IPO13: variants seen among roughly 807,000 people sequenced by gnomAD.
The protein encoded by IPO13 is importin 13.
A neutral mutation model predicts 115.5 loss-of-function variants in IPO13; 28 were observed. That is an observed-to-expected ratio of 0.24 (90% CI 0.18 to 0.33). The LOEUF is 0.33. Among genes scored for constraint, IPO13 ranks in the 10% least tolerant of loss-of-function variants. IPO13 has a pLI of 1.00. For synonymous variants in IPO13, 414 were observed against 478.9 expected (o/e 0.86, Z 1.77); for missense variants, 785 against 1,204.6 (o/e 0.65, Z 5.16).
chr1:43,962,426 T>C (rs2085296444), intron 14 of IPO13, among the ~76,000 whole-genome samples: 1 of 152,208 alleles, frequency 6.6e-6, no homozygotes, highest in Admixed American at 6.5e-5. Context: ...ATAATCTTCA[T>C]AAAAACACAA....
chr1:43,960,375 G>A (rs1380496726), intron 12 of IPO13, 46 bp downstream of exon 12: 13 of 1,526,262 alleles, frequency 8.5e-6, no homozygotes, highest in Non-Finnish European at 1.2e-5. Flanking sequence ...ACTGCTCAGA[G>A]GTGTAGCAGG....
intron 15 of IPO13, among the ~76,000 whole-genome samples, chr1:43,965,481 A>G (rs1291234776): frequency 6.6e-6 from 1 of 151,720 alleles, no homozygotes; most frequent in African/African-American, 2.4e-5. Flanking sequence ...CTGGATGGAT[A>G]TGTGTGTGGG....
rs2085329795 is a variant in IPO13, at chr1:43,966,927, C to G, written c.2524-3C>G. ...GGCTGATGGGCCTCTCCATCCTCTG[C>G]AGACAGAGCTGCTGCCTCGGTGTGG... is the stretch of plus-strand genomic sequence containing the variant. On this transcript the variant is annotated splice_polypyrimidine_tract_variant and splice_region_variant and intron_variant, in intron 17 of 19. Transcript: ENST00000372343. The surrounding 1 kb of genome is among the most constrained non-coding windows in gnomAD (Gnocchi z 4.1). 1 of 1,613,582 alleles carries G rather than the reference C, an allele frequency of 6.2e-7. No homozygotes were observed. Among genetic ancestry groups the G allele is most frequent in the African/African-American group, 1.3e-5 (1 of 74,898 alleles).
At chr1:43,957,653 C>T in intron 7 of IPO13, 104 bp downstream of exon 7, 3 of 1,370,244 alleles carry the variant, frequency 2.2e-6, no homozygotes, top group Non-Finnish European at 3.1e-6. Context: ...GAGCCACATG[C>T]CTACACACAA....
intron 1 of IPO13, among the ~76,000 whole-genome samples, chr1:43,948,204 C>G (rs182067916): frequency 6.6e-6 from 1 of 152,222 alleles, no homozygotes; most frequent in Non-Finnish European, 1.5e-5. Flanking sequence ...GGGGCTGTCT[C>G]CCTTTGTTTT....
At chr1:43,960,821 G>A (rs1359046770) in intron 12 of IPO13, 55 bp from the exon 13 acceptor site, 24 of 1,605,262 alleles carry the variant, frequency 1.5e-5, no homozygotes, top group East Asian at 1.1e-4. Flanking sequence ...GGGCTTCAGC[G>A]CTGTTCCAGC....
At chr1:43,954,709 A>G (rs975471896) in intron 2 of IPO13, among the ~76,000 whole-genome samples, 2 of 152,054 alleles carry the variant, frequency 1.3e-5, no homozygotes, top group African/African-American at 4.8e-5. Flanking sequence ...TTTAGAGATC[A>G]TTGTGTTTCA....
rs372313976 is a variant in IPO13, at chr1:43,960,739, C to T, written c.2110-137C>T. On this transcript the variant is annotated intron_variant, in intron 12 of 19. Transcript: ENST00000372343. Reference sequence around the variant, plus strand: ...CCTTTCAGGGTGAGGGTCAGACTTGCTTACCTTCCTTGGTTTGCAGGGCCA... The same window carrying T: ...CCTTTCAGGGTGAGGGTCAGACTTGTTTACCTTCCTTGGTTTGCAGGGCCA... 87 of 1,160,780 alleles carry T rather than the reference C, an allele frequency of 7.5e-5. 1 individual carries two copies. In the African/African-American group the frequency reaches 1.0e-3, roughly 13 times the overall value. 71.9% of individuals were successfully genotyped at this position (1,160,780 alleles called of 1,614,324 possible). A position where few individuals can be genotyped will look rare whatever the true frequency, so the allele number is the denominator to read the frequency against.
In IPO13 at chr1:43,956,743, A is replaced by G. The variant is rs761599321; in HGVS notation, c.1104+42A>G. ...TCCAGTAGGACTGGGCTGTGGTGGA[A>G]GAAGGTGGATCATGGGCTTCTATGA... On this transcript the variant is annotated intron_variant, in intron 4 of 19. Coordinates refer to ENST00000372343, the MANE Select transcript of IPO13 (RefSeq NM_014652.4). The surrounding 1 kb of genome is among the most constrained non-coding windows in gnomAD (Gnocchi z 4.7). 1 of 1,613,920 alleles carries G rather than the reference A, an allele frequency of 6.2e-7. No individual in the cohort carries two copies. Among genetic ancestry groups the G allele is most frequent in the Non-Finnish European group, 8.5e-7 (1 of 1,179,804 alleles).
rs550511139 is a variant in IPO13 at position 43,952,907 on chromosome 1, A to G, written c.821+2754A>G. Among the ~76,000 whole-genome samples the G allele has an allele frequency of 2.8e-4, 43 of 152,292 alleles. No homozygotes were observed. The highest frequency in any genetic ancestry group is 1.0e-3 in the African/African-American group (42 of 41,562). ...CCTGGCTTCCCAGGCTTTCCAGCTT[A>G]AGGTGGATACCTAATCCCAGATCTC... is the stretch of plus-strand genomic sequence containing the variant. On this transcript the variant is annotated intron_variant, in intron 2 of 19. Transcript: ENST00000372343. The surrounding 1 kb of genome is among the most constrained non-coding windows in gnomAD (Gnocchi z 4.7).
At position 43,950,216 on chromosome 1, in the gene IPO13, A is replaced by G. The variant is rs1218465062; in HGVS notation, c.821+63A>G. ...TGGCCAGCCACACATCCATCCATCC[A>G]TCTGTTCAATAAACATTAATTGAAT... On this transcript the variant is annotated intron_variant, in intron 2 of 19. Transcript: ENST00000372343. 18 of 1,523,526 alleles carry G rather than the reference A, an allele frequency of 1.2e-5. No homozygotes were observed. The South Asian group carries it at 2.2e-4, about 18-fold the overall frequency. The allele number at this position is 1,523,526 out of a possible 1,614,324, so 94.4% of individuals were successfully genotyped here.
At chr1:43,961,313 CT>C in intron 14 of IPO13, 51 bp downstream of exon 14, 5 of 1,472,812 alleles carry the variant, frequency 3.4e-6, no homozygotes, top group East Asian at 2.3e-5. Context: ...ACTGCCTCTG[CT>C]TCCCCAAATG....
At chr1:43,948,431 T>G (rs533207517) in intron 1 of IPO13, among the ~76,000 whole-genome samples, 1 of 152,366 alleles carries the variant, frequency 6.6e-6, no homozygotes, top group South Asian at 2.1e-4. Context: ...GGGGCTCCCT[T>G]ACTTGAAAGC....
intron 6 of IPO13, 26 bp downstream of exon 6, chr1:43,957,341 G>A: frequency 6.2e-7 from 1 of 1,613,392 alleles, no homozygotes; most frequent in Non-Finnish European, 8.5e-7. Context: ...GATTCCCTCA[G>A]CCTTCCCAGA....
At chr1:43,961,091 C>A in intron 13 of IPO13, 75 bp from the exon 14 acceptor site, 1 of 1,608,852 alleles carries the variant, frequency 6.2e-7, no homozygotes. Context: ...GGGGTCCCCA[C>A]TTGCATTCCA....
At position 43,958,917 on chromosome 1, in the gene IPO13, CATTTGTCT is replaced by C. The variant is rs1219931739; in HGVS notation, c.2028+29_2028+36del. On this transcript the variant is annotated intron_variant, in intron 11 of 19. Coordinates refer to ENST00000372343, the MANE Select transcript of IPO13 (RefSeq NM_014652.4). The surrounding 1 kb of genome is among the most constrained non-coding windows in gnomAD (Gnocchi z 6.3). Reference sequence around the variant, plus strand: ...GGGTGACATTTGCCCACGGCAAAGACATTTGTCTTTGCCATCCCCCCAACCCCCACCTG... The same window carrying C: ...GGGTGACATTTGCCCACGGCAAAGACTTGCCATCCCCCCAACCCCCACCTG... 6.2e-7 allele frequency: 1 copy of C among 1,607,006 alleles called. No individual in the cohort carries two copies. The highest frequency in any genetic ancestry group is 2.2e-5 in the East Asian group (1 of 44,726).
At position 43,947,326 on chromosome 1, in the gene IPO13, C is replaced by T; in HGVS notation, c.-275C>T. 2.5e-6 allele frequency: 1 copy of T among 399,166 alleles called. No individual in the cohort carries two copies. Among genetic ancestry groups the T allele is most frequent in the Non-Finnish European group, 4.4e-6 (1 of 226,270 alleles). The allele number at this position is 399,166 out of a possible 1,614,324, so 24.7% of individuals were successfully genotyped here. ...CAGATTCTGGGGACAGAGCTGTTAC[C>T]TGCCACTAGGATCCCCGCCTGAGAG... is the stretch of plus-strand genomic sequence containing the variant. On this transcript the variant is annotated 5_prime_UTR_variant, in exon 1 of 20. Transcript: ENST00000372343.
At chr1:43,963,949 T>G (rs867778901) in intron 14 of IPO13, among the ~76,000 whole-genome samples, 1 of 152,196 alleles carries the variant, frequency 6.6e-6, no homozygotes, top group African/African-American at 2.4e-5. Context: ...GTAAGTGTGG[T>G]GGCCGTTTCT....
chr1:43,961,247 A>T lies in IPO13; in HGVS notation c.2329A>T (p.Thr777Ser). The T allele has an allele frequency of 6.2e-7, 1 of 1,612,508 alleles. No homozygotes were observed. Among genetic ancestry groups the T allele is most frequent in the Non-Finnish European group, 8.5e-7 (1 of 1,179,200 alleles). Residue 777 changes from threonine to serine, a missense_variant, in exon 14 of 20, where the codon ACT becomes TCT. Thr to Ser is a moderately conservative substitution (Grantham distance 58). Coordinates refer to ENST00000372343, the MANE Select transcript of IPO13 (RefSeq NM_014652.4). ...CCTGCTCGTCACCTCCGTCACACTC[A>T]CTCTCTTCCAGCAAGGTAGGTCCTG... is the stretch of plus-strand genomic sequence containing the variant. Reference protein sequence around the residue: ...LFLLVTSVTLTLFQQGPRDHP... With the variant: ...LFLLVTSVTLSLFQQGPRDHP...
Sources: gnomAD v4.1 joint callset for allele counts (sites outside exome capture counted in the v4.1 genomes callset) on GRCh38, gnomAD v4.1.1 for gene constraint, Gnocchi (gnomAD v3.1) non-coding constraint, MANE v1.5 for transcripts, NCBI Gene and HGNC (gene_info 2026-07-23, HGNC 2026-07-21) for gene names.